The following NAAA variants were observed in gnomAD, a reference collection of about 807,000 sequenced individuals.
NAAA encodes the protein N-acylethanolamine acid amidase.
A neutral mutation model predicts 44.8 loss-of-function variants in NAAA; 39 were observed. The ratio of observed to expected loss-of-function variants is 0.87; its 90% CI spans 0.67 to 1.14. NAAA has a LOEUF of 1.14. Among genes scored for constraint, NAAA ranks in the 50% most tolerant of loss-of-function variants. The probability of loss-of-function intolerance (pLI) is 0.00; values close to 1 mark genes in which losing one functional copy is unlikely to be tolerated. For synonymous variants in NAAA, 178 were observed against 191.3 expected, an observed-to-expected ratio of 0.93 and a Z score of 0.58; for missense variants, 460 against 467.8, an observed-to-expected ratio of 0.98 and a Z score of 0.15.
rs766747964 is a variant in NAAA, at chr4:75,931,249, C to G, written c.554G>C (p.Ser185Thr). 6.2e-6 allele frequency: 10 copies of G among 1,612,888 alleles called. No individual in the cohort carries two copies. In the East Asian group the frequency reaches 2.2e-4, roughly 36 times the overall value. The part of the protein sequence containing the change: ...IGYVGLWTGQ[S>T]PHKFTVSGDE... ...ACCAGAAACTGTAAACTTGTGTGGG[C>G]TCTGGCCAGTCCATAATCCTACATA... Residue 185 changes from serine to threonine, a missense_variant, in exon 4 of 11, where the codon AGC (serine) becomes ACC (threonine). Transcript: ENST00000286733.
At chr4:75,940,347 G>T in intron 1 of NAAA, 182 bp from the exon 2 acceptor site, 1 of 628,800 alleles carries the variant, frequency 1.6e-6, no homozygotes. Flanking sequence ...TGGGGGGAAG[G>T]GGGCGGGGGG....
intron 5 of NAAA, among the ~76,000 whole-genome samples, chr4:75,923,566 G>A (rs992912628): frequency 1.3e-5 from 2 of 150,604 alleles, no homozygotes; most frequent in African/African-American, 4.9e-5. Flanking sequence ...TTGAGACAGA[G>A]TCTTGCTGTG....
In NAAA at chr4:75,914,743, G is replaced by T. The variant is rs374693368; in HGVS notation, c.*36+125C>A. ...CTAATGATGACAATCTGACACAAAT[G>T]ACAATGCCAGATGCTTGTCAGAAAA... On this transcript the variant is annotated intron_variant, in intron 10 of 10. Coordinates refer to ENST00000286733, the MANE Select transcript of NAAA (RefSeq NM_014435.4). 2.0e-5 allele frequency: 12 copies of T among 608,212 alleles called. No homozygotes were observed. The African/African-American group carries it at 2.2e-4, about 11-fold the overall frequency. 37.7% of individuals were successfully genotyped at this position (608,212 alleles called of 1,614,324 possible).
chr4:75,912,748 TG>T (rs1289224837), downstream of NAAA, among the ~76,000 whole-genome samples: 7 of 151,568 alleles, frequency 4.6e-5, no homozygotes, highest in African/African-American at 1.2e-4. Context: ...CACTCCAGTT[TG>T]GGTGGTGGAA....
Position 75,938,313 on chromosome 4 carries a change from G to C in NAAA, c.371+1688C>G, listed in dbSNP as rs1219911868. Among the ~76,000 whole-genome samples the C allele has an allele frequency of 2.0e-5, 3 of 152,206 alleles. No individual in the cohort carries two copies. The South Asian group carries it at 6.2e-4, about 32-fold the overall frequency. ...ACCTTAGTATCAAATCCAAAAGTTAGAATGTTTTTACTAGAACTTTTGCTT... is the reference window on the plus strand; with the variant it reads ...ACCTTAGTATCAAATCCAAAAGTTACAATGTTTTTACTAGAACTTTTGCTT... On this transcript the variant is annotated intron_variant, in intron 2 of 10. Coordinates refer to ENST00000286733, the MANE Select transcript of NAAA (RefSeq NM_014435.4).
intron 5 of NAAA, 108 bp from the exon 6 acceptor site, chr4:75,921,231 CTAT>C: frequency 9.6e-7 from 1 of 1,040,990 alleles, no homozygotes. Context: ...TATGTCATGA[CTAT>C]CACCTTGATC....
chr4:75,914,936 T>A lies in NAAA; in HGVS notation c.1048A>T (p.Met350Leu), dbSNP rs751902468. The change falls in exon 10 of 11, where the codon ATG becomes TTG. Residue 350 changes from methionine (M) to leucine (L), a missense_variant. Met to Leu is a conservative substitution (Grantham distance 15). Transcript: ENST00000286733. ...VMSAGSPDKY[M>L]TRIRNPSRK ...CTACTCGGGTTTCTGATCCTAGTCA[T>A]GTACTTGTCTGGGCTACCGGCGCTC... 18 of 1,613,996 alleles carry A rather than the reference T, an allele frequency of 1.1e-5. No individual in the cohort carries two copies. The Admixed American group carries it at 3.0e-4, about 27-fold the overall frequency.
intron 1 of NAAA, 160 bp from the exon 2 acceptor site, chr4:75,940,325 G>C (rs1035398401): frequency 5.2e-6 from 3 of 575,760 alleles, no homozygotes; most frequent in South Asian, 2.3e-5. Context: ...TCAATCTGCA[G>C]CCTCCCGGGA....
At chr4:75,923,087 T>C (rs1375509459) in intron 5 of NAAA, among the ~76,000 whole-genome samples, 1 of 152,054 alleles carries the variant, frequency 6.6e-6, no homozygotes, top group East Asian at 1.9e-4. Context: ...ATTTATTTAC[T>C]TCTTTCCAGA....
chr4:75,910,864 T>A (rs1362383927), downstream of NAAA, among the ~76,000 whole-genome samples: 1 of 152,192 alleles, frequency 6.6e-6, no homozygotes, highest in Non-Finnish European at 1.5e-5. Flanking sequence ...GCAATAAAGC[T>A]TTTTAATCAC....
In NAAA at chr4:75,931,281, A is replaced by T. The variant is rs778243711; in HGVS notation, c.522T>A (p.Phe174Leu). 6.2e-7 allele frequency: 1 copy of T among 1,611,650 alleles called. No homozygotes were observed. Among genetic ancestry groups the T allele is most frequent in the Non-Finnish European group, 8.5e-7 (1 of 1,177,990 alleles). ...NGQIAFTGTT[F>L]IGYVGLWTGQ... is the part of the protein sequence containing the mutation. ...CAGTCCATAATCCTACATAGCCAAT[A>T]AAAGTAGTTCCTGTGAATGCAATCT... is the stretch of plus-strand genomic sequence containing the variant. The change falls in exon 4 of 11, where the codon TTT becomes TTA. Residue 174 changes from phenylalanine to leucine, a missense_variant. By Grantham distance (22) the Phe-to-Leu change is conservative. Coordinates refer to ENST00000286733, the MANE Select transcript of NAAA (RefSeq NM_014435.4).
At chr4:75,936,440 C>T (rs1033527680) in intron 2 of NAAA, among the ~76,000 whole-genome samples, 15 of 152,284 alleles carry the variant, frequency 9.9e-5, no homozygotes, top group African/African-American at 3.6e-4. Context: ...TGTGTTCATT[C>T]AGTGTTTCTA....
intron 5 of NAAA, among the ~76,000 whole-genome samples, chr4:75,922,783 C>T (rs1726294506): frequency 6.6e-6 from 1 of 152,222 alleles, no homozygotes; most frequent in South Asian, 2.1e-4. Flanking sequence ...TTCCCTTGGC[C>T]TTTGCAGAGG....
chr4:75,939,539 C>CT (rs1728039967), intron 2 of NAAA, among the ~76,000 whole-genome samples: 1 of 151,878 alleles, frequency 6.6e-6, no homozygotes, highest in Non-Finnish European at 1.5e-5. Context: ...CCTCAACCTC[C>CT]TAAGTAGCTG....
chr4:75,920,273 T>C (rs1337455896), intron 7 of NAAA, among the ~76,000 whole-genome samples: 1 of 152,224 alleles, frequency 6.6e-6, no homozygotes, highest in African/African-American at 2.4e-5. Flanking sequence ...CGTATATAGC[T>C]ACCTGCACTT....
At chr4:75,916,810 C>T (rs1232016539) in intron 9 of NAAA, among the ~76,000 whole-genome samples, 4 of 98,366 alleles carry the variant, frequency 4.1e-5, no homozygotes, top group Admixed American at 1.6e-4. Context: ...TTTTTTAAGA[C>T]GGAGTCTCCC....
At chr4:75,940,384 T>G in intron 1 of NAAA, 1 of 582,868 alleles carries the variant, frequency 1.7e-6, no homozygotes, top group Non-Finnish European at 3.0e-6. Flanking sequence ...AAACTCCGAA[T>G]GGGGAGGGCG....
intron 3 of NAAA, among the ~76,000 whole-genome samples, chr4:75,932,917 T>A (rs1021040287): frequency 1.3e-5 from 2 of 152,064 alleles, no homozygotes; most frequent in Admixed American, 6.5e-5. Flanking sequence ...GGCGGATCAC[T>A]TGAGGCCAGG....
At position 75,913,856 on chromosome 4, in the gene NAAA, A is replaced by G; in HGVS notation, c.*519T>C. On this transcript the variant is annotated 3_prime_UTR_variant, in exon 11 of 11. Coordinates refer to ENST00000286733, the MANE Select transcript of NAAA (RefSeq NM_014435.4). ...TTATAAAAAACGAGACTCCCATTAC[A>G]TGGAAACACATGATCAAAGATCAGA... The G allele has an allele frequency of 1.0e-6, 1 of 985,364 alleles. No homozygotes were observed. Among genetic ancestry groups the G allele is most frequent in the Non-Finnish European group, 1.2e-6 (1 of 829,834 alleles). The allele number at this position is 985,364 out of a possible 1,614,324, so 61.0% of individuals were successfully genotyped here. A position where few individuals can be genotyped will look rare whatever the true frequency, so the allele number is the denominator to read the frequency against.
Sources: allele counts gnomAD v4.1 joint callset (sites outside exome capture counted in the v4.1 genomes callset), GRCh38; gene constraint gnomAD v4.1.1; transcripts MANE v1.5; gene names NCBI Gene and HGNC (gene_info 2026-07-23, HGNC 2026-07-21).